DEF6: variants seen among roughly 807,000 people sequenced by gnomAD.
DEF6 encodes DEF6 guanine nucleotide exchange factor.
In DEF6, 32 loss-of-function variants were observed where a neutral mutation model predicts 80.5. The observed-to-expected ratio is 0.40, with a 90% CI of 0.30 to 0.53. The LOEUF (loss-of-function observed/expected upper bound fraction) is 0.53, where lower values mean the gene tolerates loss of function less well. Among genes scored for constraint, DEF6 ranks in the 20% least tolerant of loss-of-function variants. The pLI, the probability that DEF6 is intolerant of heterozygous loss-of-function variation, is 0.57. For missense variants in DEF6, 575 were observed against 818.7 expected (o/e 0.70, Z 3.63); for synonymous variants, 300 against 337.9 (o/e 0.89, Z 1.23).
chr6:35,321,468 G>A lies in DEF6; in HGVS notation c.*58G>A, dbSNP rs1791592592. On this transcript the variant is annotated 3_prime_UTR_variant, in exon 11 of 11. Coordinates refer to ENST00000316637, the MANE Select transcript of DEF6 (RefSeq NM_022047.4). ...TATCCACCAGGACCTGGCCACAGCT[G>A]GCCTGTGGGTGATCCCAGCTCTTAC... is the stretch of plus-strand genomic sequence containing the variant. 2 of 1,512,980 alleles carry A rather than the reference G, an allele frequency of 1.3e-6. No individual in the cohort carries two copies. The highest frequency in any genetic ancestry group is 1.8e-6 in the Non-Finnish European group (2 of 1,102,768). 93.7% of individuals were successfully genotyped at this position (1,512,980 alleles called of 1,614,324 possible).
At chr6:35,298,999 G>A (rs1377508719) in intron 1 of DEF6, among the ~76,000 whole-genome samples, 1 of 152,176 alleles carries the variant, frequency 6.6e-6, no homozygotes. Context: ...CCTGAGAGAT[G>A]AATGGGACAG....
Position 35,321,372 on chromosome 6 carries a change from C to A in DEF6, c.1858C>A (p.Pro620Thr), listed in dbSNP as rs749039457. 10 of 1,613,994 alleles carry A rather than the reference C, an allele frequency of 6.2e-6. No homozygotes were observed. The Admixed American group carries it at 1.7e-4, about 27-fold the overall frequency. Residue 620 changes from proline (P) to threonine (T), a missense_variant, in exon 11 of 11, where the codon CCT (proline) becomes ACT (threonine). Pro to Thr is a conservative substitution (Grantham distance 38, BLOSUM62 -1). Coordinates refer to ENST00000316637, the MANE Select transcript of DEF6 (RefSeq NM_022047.4). ...GDEAPAPAST[P>T]QEDKLDPAPE... is the part of the protein sequence containing the mutation. ...TGAGGCTCCTGCCCCGGCTTCCACC[C>A]CTCAGGAAGATAAACTGGATCCAGC...
chr6:35,310,718 C>CT, intron 3 of DEF6, 74 bp downstream of exon 3: 3 of 1,494,588 alleles, frequency 2.0e-6, no homozygotes, highest in African/African-American at 1.4e-5. Context: ...TGAGACCAAA[C>CT]CACCTTTGGT....
At position 35,320,871 on chromosome 6, in the gene DEF6, C is replaced by T; in HGVS notation, c.1582-13C>T. On this transcript the variant is annotated splice_polypyrimidine_tract_variant and intron_variant, in intron 9 of 10. Transcript: ENST00000316637. ...ATGGTTCTGATCACTCCCCACTGGC[C>T]CTGTCCCCACAGGCTGCCCAGAGAA... 1 of 1,600,962 alleles carries T rather than the reference C, an allele frequency of 6.2e-7. No individual in the cohort carries two copies. The highest frequency in any genetic ancestry group is 8.5e-7 in the Non-Finnish European group (1 of 1,172,750).
intron 5 of DEF6, among the ~76,000 whole-genome samples, chr6:35,316,862 A>G (rs1791530454): frequency 6.6e-6 from 1 of 152,168 alleles, no homozygotes; most frequent in Non-Finnish European, 1.5e-5. Context: ...CCTACCAAGC[A>G]ATAACTCCTC....
At position 35,321,522 on chromosome 6, in the gene DEF6, A is replaced by C; in HGVS notation, c.*112A>C. The C allele has an allele frequency of 2.0e-6, 2 of 991,416 alleles. No individual in the cohort carries two copies. Among genetic ancestry groups the C allele is most frequent in the Non-Finnish European group, 3.0e-6 (2 of 674,062 alleles). The allele number at this position is 991,416 out of a possible 1,614,324, so 61.4% of individuals were successfully genotyped here. On this transcript the variant is annotated 3_prime_UTR_variant, in exon 11 of 11. Coordinates refer to ENST00000316637, the MANE Select transcript of DEF6 (RefSeq NM_022047.4). ...GAGAGGGAGCTGAGGTCCTGGTGCCAGGGGCCCAGGCCCTCCAACCATAAA... is the reference window on the plus strand; with the variant it reads ...GAGAGGGAGCTGAGGTCCTGGTGCCCGGGGCCCAGGCCCTCCAACCATAAA...
intron 1 of DEF6, 88 bp downstream of exon 1, chr6:35,298,040 C>T: frequency 5.1e-6 from 6 of 1,176,218 alleles, no homozygotes; most frequent in Non-Finnish European, 7.3e-6. Context: ...CACTGTGCCA[C>T]TCCAGGGGCA....
In DEF6 at chr6:35,312,007, TA is replaced by T. The variant is rs1359677983; in HGVS notation, c.424-294del. 2.0e-5 allele frequency among the ~76,000 whole-genome samples: 3 copies of T among 152,206 alleles called. No individual in the cohort carries two copies. Among genetic ancestry groups the T allele is most frequent in the African/African-American group, 7.2e-5 (3 of 41,458 alleles). ...CACTCCCTTGACACTTTCTGTGATT[TA>T]TTGCCTCTTTCTGGACCCCAGATCT... is the stretch of plus-strand genomic sequence containing the variant. On this transcript the variant is annotated intron_variant, in intron 3 of 10. Coordinates refer to ENST00000316637, the MANE Select transcript of DEF6 (RefSeq NM_022047.4). The surrounding 1 kb of genome is among the most constrained non-coding windows in gnomAD (Gnocchi z 6.6).
rs749113337 is a variant in DEF6, at chr6:35,319,806, ACT to A, written c.1383-11_1383-10del. ...TGGCACTAGAGGCTACACAGTACACACTCACCCGGCAGACTGCTGGAAGAGGA... is the reference window on the plus strand; with the variant it reads ...TGGCACTAGAGGCTACACAGTACACACACCCGGCAGACTGCTGGAAGAGGA... On this transcript the variant is annotated splice_polypyrimidine_tract_variant and intron_variant, in intron 8 of 10. Coordinates refer to ENST00000316637, the MANE Select transcript of DEF6 (RefSeq NM_022047.4). This position sits in a 1 kb window ranked among gnomAD's most constrained non-coding sequence, Gnocchi z 4.5. 4.4e-6 allele frequency: 7 copies of A among 1,602,354 alleles called. No homozygotes were observed. Among genetic ancestry groups the A allele is most frequent in the Middle Eastern group, 1.7e-4 (1 of 6,050 alleles).
At position 35,319,572 on chromosome 6, in the gene DEF6, G is replaced by A; in HGVS notation, c.1264G>A (p.Ala422Thr). The change falls in exon 8 of 11, where the codon GCC (alanine) becomes ACC (threonine). Residue 422 changes from alanine to threonine, a missense_variant. Coordinates refer to ENST00000316637, the MANE Select transcript of DEF6 (RefSeq NM_022047.4). This position sits in a 1 kb window ranked among gnomAD's most constrained non-coding sequence, Gnocchi z 4.5. ...GATGGAGCTGAAGGAGGAGGAGGCT[G>A]CCCGGCAGCGGCAGCGCATCAAGGA... Reference protein sequence around the residue: ...AEMELKEEEAARQRQRIKELE... With the variant: ...AEMELKEEEATRQRQRIKELE... 6.2e-7 allele frequency: 1 copy of A among 1,613,790 alleles called. No homozygotes were observed. Among genetic ancestry groups the A allele is most frequent in the South Asian group, 1.1e-5 (1 of 91,048 alleles).
Position 35,321,308 on chromosome 6 carries a change from C to T in DEF6, c.1794C>T (p.Pro598=). The change falls in exon 11 of 11, where the codon CCC becomes CCT. Residue 598 remains proline, a synonymous_variant. Transcript: ENST00000316637. ...WGSQGNRTPS[P]NSNEQQKSLN... is the part of the protein sequence containing the mutation. ...CCCAGGGCAACAGGACCCCCTCGCC[C>T]AACAGCAATGAGCAGCAGAAGTCCC... 1 of 1,614,102 alleles carries T rather than the reference C, an allele frequency of 6.2e-7. No homozygotes were observed. Among genetic ancestry groups the T allele is most frequent in the Non-Finnish European group, 8.5e-7 (1 of 1,180,014 alleles).
At position 35,321,367 on chromosome 6, in the gene DEF6, C is replaced by T. The variant is rs572527183; in HGVS notation, c.1853C>T (p.Ser618Phe). Residue 618 changes from serine (S) to phenylalanine (F), a missense_variant, in exon 11 of 11, where the codon TCC (serine) becomes TTC (phenylalanine). Coordinates refer to ENST00000316637, the MANE Select transcript of DEF6 (RefSeq NM_022047.4). Reference protein sequence around the residue: ...NGGDEAPAPASTPQEDKLDPA... With the variant: ...NGGDEAPAPAFTPQEDKLDPA... ...GGGGATGAGGCTCCTGCCCCGGCTT[C>T]CACCCCTCAGGAAGATAAACTGGAT... 1.3e-4 allele frequency: 213 copies of T among 1,614,116 alleles called. 2 individuals carry two copies. The South Asian group carries it at 2.1e-3, about 16-fold the overall frequency.
chr6:35,307,848 A>G (rs1347007775), intron 1 of DEF6, among the ~76,000 whole-genome samples: 1 of 152,222 alleles, frequency 6.6e-6, no homozygotes, highest in East Asian at 1.9e-4. Context: ...TGAAAAGAGA[A>G]TAAAATGAAG....
At position 35,320,002 on chromosome 6, in the gene DEF6, T is replaced by C. The variant is rs1404641117; in HGVS notation, c.1566T>C (p.Ala522=). 1 of 1,561,768 alleles carries C rather than the reference T, an allele frequency of 6.4e-7. No individual in the cohort carries two copies. ...AGGTGCGGCAGAACCGGCAGAGGGC[T>C]GACGAGGATGTGGAGGTGAGGCCTG... ...LEEVRQNRQR[A]DEDVEAAQRK... Residue 522 remains alanine, a synonymous_variant, in exon 9 of 11, where the codon GCT becomes GCC. Transcript: ENST00000316637.
Position 35,297,846 on chromosome 6 carries a change from G to T in DEF6, c.-11G>T, listed in dbSNP as rs754940673. On this transcript the variant is annotated 5_prime_UTR_variant, in exon 1 of 11. Coordinates refer to ENST00000316637, the MANE Select transcript of DEF6 (RefSeq NM_022047.4). ...GTCAGAGCCGCCCCCAGCCGGGCGG[G>T]CGCCTCAGCCATGGCCCTGCGCAAG... 1.3e-6 allele frequency: 2 copies of T among 1,584,768 alleles called. No homozygotes were observed. Among genetic ancestry groups the T allele is most frequent in the East Asian group, 4.6e-5 (2 of 43,920 alleles).
Position 35,297,936 on chromosome 6 carries a change from C to G in DEF6, c.80C>G (p.Ser27Cys), listed in dbSNP as rs970433138. 6.2e-7 allele frequency: 1 copy of G among 1,602,688 alleles called. No homozygotes were observed. The highest frequency in any genetic ancestry group is 8.5e-7 in the Non-Finnish European group (1 of 1,175,352). ...GACGTGGAGAAGAGTGGCAAAGTCT[C>G]CAAGTCCCAGCTCAAGGTGAGGGGC... The part of the protein sequence containing the change: ...ALDVEKSGKV[S>C]KSQLKVLSHN... Residue 27 changes from serine (S) to cysteine (C), a missense_variant, in exon 1 of 11, where the codon TCC (serine) becomes TGC (cysteine). Coordinates refer to ENST00000316637, the MANE Select transcript of DEF6 (RefSeq NM_022047.4).
At chr6:35,315,449 G>A (rs1002260229) in intron 5 of DEF6, among the ~76,000 whole-genome samples, 3 of 77,752 alleles carry the variant, frequency 3.9e-5, no homozygotes, top group African/African-American at 4.6e-5. Context: ...TTGTAGTTCC[G>A]TATAAATTTT....
intron 1 of DEF6, among the ~76,000 whole-genome samples, chr6:35,298,956 A>G (rs1466934043): frequency 2.0e-5 from 3 of 152,152 alleles, no homozygotes; most frequent in Admixed American, 1.3e-4. Context: ...GGAAACCTCC[A>G]TTCTTAATGA....
At chr6:35,301,572 C>T (rs957637568) in intron 1 of DEF6, among the ~76,000 whole-genome samples, 2 of 152,160 alleles carry the variant, frequency 1.3e-5, no homozygotes, top group African/African-American at 4.8e-5. Flanking sequence ...GATGCCCACA[C>T]CCAACCCCTA....
Sources: gnomAD v4.1 joint callset for allele counts (sites outside exome capture counted in the v4.1 genomes callset) on GRCh38, gnomAD v4.1.1 for gene constraint, Gnocchi (gnomAD v3.1) non-coding constraint, MANE v1.5 for transcripts, NCBI Gene and HGNC (gene_info 2026-07-23, HGNC 2026-07-21) for gene names.